Variants in PDHX observed in about 807,000 individuals in gnomAD.
PDHX encodes the protein pyruvate dehydrogenase protein X component, mitochondrial.
Under a neutral mutation model 55.3 loss-of-function variants are expected in PDHX, and 33 were observed. The observed-to-expected ratio is 0.60, with a 90% CI of 0.45 to 0.80. The LOEUF (loss-of-function observed/expected upper bound fraction) is 0.80. Among genes scored for constraint, PDHX ranks in the 30% least tolerant of loss-of-function variants. The pLI, the probability that PDHX is intolerant of heterozygous loss-of-function variation, is 0.00. For synonymous variants in PDHX, 226 were observed against 219.4 expected (o/e 1.03, Z -0.27); for missense variants, 622 against 619.9 (o/e 1.00, Z -0.04).
In PDHX at chr11:34,966,667, A is replaced by G. The variant is rs1855136752; in HGVS notation, c.669A>G (p.Lys223=). The change falls in exon 6 of 11, where the codon AAA becomes AAG. Residue 223 remains lysine, a synonymous_variant. Coordinates refer to ENST00000227868, the MANE Select transcript of PDHX (RefSeq NM_003477.3). ...ATGCTCTCAAACTTGTCCAGTTGAA[A>G]CAAACGGGCAAGATTACCGAGTCCA... ...KEDALKLVQL[K]QTGKITESRP... 6.2e-7 allele frequency: 1 copy of G among 1,613,888 alleles called. No individual in the cohort carries two copies. Among genetic ancestry groups the G allele is most frequent in the Non-Finnish European group, 8.5e-7 (1 of 1,180,000 alleles).
At chr11:34,961,295 A>G (rs1403227879) in intron 5 of PDHX, among the ~76,000 whole-genome samples, 3 of 152,132 alleles carry the variant, frequency 2.0e-5, no homozygotes, top group Admixed American at 6.5e-5. Context: ...ATTAGTTTAA[A>G]TGTTTGTGTC....
At chr11:34,973,600 A>T (rs943284899) in intron 7 of PDHX, among the ~76,000 whole-genome samples, 1 of 151,694 alleles carries the variant, frequency 6.6e-6, no homozygotes, top group Non-Finnish European at 1.5e-5. Flanking sequence ...TTACAATGTA[A>T]TTCTTTAATT....
intron 9 of PDHX, chr11:34,985,027 A>G (rs1286264929): frequency 1.2e-5 from 4 of 331,656 alleles, no homozygotes; most frequent in Non-Finnish European, 2.2e-5. Context: ...AGCCATAAAG[A>G]TGCTATATCA....
intron 1 of PDHX, among the ~76,000 whole-genome samples, chr11:34,929,859 A>T (rs183139084): frequency 6.6e-6 from 1 of 152,178 alleles, no homozygotes; most frequent in Non-Finnish European, 1.5e-5. Context: ...ATTTGGTGCC[A>T]GTTGAGAGAG....
At chr11:34,939,998 A>C (rs1310245222) in intron 2 of PDHX, among the ~76,000 whole-genome samples, 1 of 152,188 alleles carries the variant, frequency 6.6e-6, no homozygotes, top group African/African-American at 2.4e-5. Context: ...TTTAAACTGC[A>C]CCTAGTTTAT....
chr11:34,973,861 A>G (rs934085719), intron 7 of PDHX, among the ~76,000 whole-genome samples: 9 of 144,718 alleles, frequency 6.2e-5, no homozygotes, highest in Admixed American at 2.8e-4. Flanking sequence ...ATTTCTTTGT[A>G]TAGAATTAAA....
intron 1 of PDHX, among the ~76,000 whole-genome samples, chr11:34,920,684 TCTG>T (rs1427741233): frequency 6.6e-6 from 1 of 152,206 alleles, no homozygotes; most frequent in Admixed American, 6.5e-5. Flanking sequence ...TGCCGCCTAC[TCTG>T]TATTACATCT....
chr11:34,946,230 T>C (rs1854615975), intron 2 of PDHX, among the ~76,000 whole-genome samples: 1 of 152,200 alleles, frequency 6.6e-6, no homozygotes, highest in Admixed American at 6.5e-5. Context: ...TTTCAATTAC[T>C]TAATTTTTCA....
At chr11:34,946,073 CGTTTTGTTTTGTTTTTT>C (rs1300183336) in intron 2 of PDHX, among the ~76,000 whole-genome samples, 1 of 152,054 alleles carries the variant, frequency 6.6e-6, no homozygotes, top group Non-Finnish European at 1.5e-5. Flanking sequence ...TCTGTTTTTT[CGTTTTGTTTTGTTTTTT>C]GTTTTTAATG....
chr11:34,935,656 C>T (rs1433650164), intron 2 of PDHX, among the ~76,000 whole-genome samples: 1 of 152,092 alleles, frequency 6.6e-6, no homozygotes, highest in African/African-American at 2.4e-5. Context: ...GATGAGTCTA[C>T]AGTACCTATT....
intron 7 of PDHX, among the ~76,000 whole-genome samples, chr11:34,970,923 G>A (rs1029126846): frequency 6.6e-6 from 1 of 152,132 alleles, no homozygotes; most frequent in African/African-American, 2.4e-5. Context: ...GCAAAAGTGG[G>A]CTTAATGTTT....
At chr11:34,927,439 A>C (rs1029560604) in intron 1 of PDHX, among the ~76,000 whole-genome samples, 2 of 152,096 alleles carry the variant, frequency 1.3e-5, no homozygotes, top group Non-Finnish European at 2.9e-5. Context: ...GTTCAAATGC[A>C]AATTAATTAA....
intron 3 of PDHX, among the ~76,000 whole-genome samples, chr11:34,948,601 T>C (rs1451532329): frequency 6.6e-6 from 1 of 151,524 alleles, no homozygotes; most frequent in Non-Finnish European, 1.5e-5. Flanking sequence ...GCCACTTATG[T>C]TGTATTTTTA....
At chr11:34,989,156 G>T (rs1715728277) in intron 9 of PDHX, among the ~76,000 whole-genome samples, 1 of 152,140 alleles carries the variant, frequency 6.6e-6, no homozygotes, top group African/African-American at 2.4e-5. Flanking sequence ...AATAGTATAA[G>T]GAAATAGTGA....
chr11:34,979,006 G>A (rs534526890), intron 8 of PDHX, among the ~76,000 whole-genome samples: 94 of 152,290 alleles, frequency 6.2e-4, no homozygotes, highest in Middle Eastern at 6.8e-3. Context: ...GCTCCCCTGG[G>A]AGGCTTTAGA....
At chr11:34,937,525 A>G (rs1411501015) in intron 2 of PDHX, among the ~76,000 whole-genome samples, 2 of 151,380 alleles carry the variant, frequency 1.3e-5, no homozygotes, top group East Asian at 3.9e-4. Flanking sequence ...TGAATATGGT[A>G]AGATTTGAAA....
At chr11:34,977,851 C>G (rs562185021) in intron 7 of PDHX, 2 of 512,268 alleles carry the variant, frequency 3.9e-6, no homozygotes, top group Non-Finnish European at 7.6e-6. Flanking sequence ...ATGGGTCCTT[C>G]AGGTTCTTGT....
upstream of PDHX, chr11:34,916,331 G>C (rs753186558): frequency 6.2e-7 from 1 of 1,604,462 alleles, no homozygotes; most frequent in South Asian, 1.1e-5. Context: ...GCACGGCTTT[G>C]CGCGCGGCGC....
chr11:34,947,276 A>G lies in PDHX; in HGVS notation c.242-230A>G, dbSNP rs376766165. Among the ~76,000 whole-genome samples, 71 of 152,254 alleles carry G rather than the reference A, an allele frequency of 4.7e-4. 1 individual carries two copies. The highest frequency in any genetic ancestry group is 1.6e-3 in the African/African-American group (67 of 41,552). Reference sequence around the variant, plus strand: ...TAATCTTTGTAATAGCTTTTTTATTATCACAAGTATAATTTATGTCCATTA... The same window carrying G: ...TAATCTTTGTAATAGCTTTTTTATTGTCACAAGTATAATTTATGTCCATTA... On this transcript the variant is annotated intron_variant, in intron 2 of 10. Coordinates refer to ENST00000227868, the MANE Select transcript of PDHX (RefSeq NM_003477.3).
Sources: gnomAD v4.1 joint callset for allele counts (sites outside exome capture counted in the v4.1 genomes callset) on GRCh38, gnomAD v4.1.1 for gene constraint, MANE v1.5 for transcripts, NCBI Gene and HGNC (gene_info 2026-07-23, HGNC 2026-07-21) for gene names.